Variants in TTC13 observed in about 807,000 individuals in gnomAD.
TTC13 encodes the protein tetratricopeptide repeat domain 13.
TTC13 carries 62 observed loss-of-function variants against 120.0 expected under a neutral mutation model. The observed-to-expected ratio is 0.52, with a 90% CI of 0.42 to 0.64. The LOEUF is 0.64. Ranked by LOEUF, TTC13 falls within the 30% of genes least tolerant of loss-of-function variation. The probability of loss-of-function intolerance (pLI) is 0.00; values close to 1 mark genes in which losing one functional copy is unlikely to be tolerated. For missense variants in TTC13, 824 were observed against 1,050.2 expected, an observed-to-expected ratio of 0.78 and a Z score of 2.98; for synonymous variants, 384 against 393.5, an observed-to-expected ratio of 0.98 and a Z score of 0.28.
intron 3 of TTC13, among the ~76,000 whole-genome samples, chr1:230,954,634 A>G (rs1675885836): frequency 6.6e-6 from 1 of 152,230 alleles, no homozygotes. Flanking sequence ...CATCTATAAA[A>G]TATCTGCCTA....
intron 4 of TTC13, among the ~76,000 whole-genome samples, chr1:230,946,414 T>C (rs1675003816): frequency 6.6e-6 from 1 of 152,112 alleles, no homozygotes; most frequent in Non-Finnish European, 1.5e-5. Context: ...ACTTCAATGA[T>C]GAGTAAATGG....
At chr1:230,970,031 C>T (rs1402036908) in intron 1 of TTC13, among the ~76,000 whole-genome samples, 1 of 152,196 alleles carries the variant, frequency 6.6e-6, no homozygotes, top group Non-Finnish European at 1.5e-5. Flanking sequence ...CCACTGTACA[C>T]ATGGGGAAAT....
intron 22 of TTC13, among the ~76,000 whole-genome samples, chr1:230,907,843 G>A (rs745510424): frequency 6.6e-6 from 1 of 152,160 alleles, no homozygotes; most frequent in Non-Finnish European, 1.5e-5. Flanking sequence ...TGAACAGTGA[G>A]GCTTACTTAT....
intron 22 of TTC13, among the ~76,000 whole-genome samples, chr1:230,908,031 A>C (rs1345074399): frequency 2.0e-5 from 3 of 152,248 alleles, no homozygotes; most frequent in Non-Finnish European, 4.4e-5. Flanking sequence ...AAGTAGGCTA[A>C]GTGCTACCAC....
chr1:230,956,469 C>A, intron 3 of TTC13: 1 of 300,356 alleles, frequency 3.3e-6, no homozygotes, highest in Non-Finnish European at 6.4e-6. Flanking sequence ...ACTGTCTGGT[C>A]TTGCTTAATA....
chr1:230,966,940 G>A (rs533957499), intron 1 of TTC13, among the ~76,000 whole-genome samples: 3 of 152,206 alleles, frequency 2.0e-5, no homozygotes, highest in African/African-American at 4.8e-5. Context: ...GGGGACCTGA[G>A]GGAAATTATG....
In TTC13 at chr1:230,906,802, C is replaced by G; in HGVS notation, c.*103G>C. 2.2e-6 allele frequency: 1 copy of G among 457,232 alleles called. No homozygotes were observed. Among genetic ancestry groups the G allele is most frequent in the Non-Finnish European group, 3.9e-6 (1 of 259,020 alleles). The allele number at this position is 457,232 out of a possible 1,614,324, so 28.3% of individuals were successfully genotyped here. Reference sequence around the variant, plus strand: ...ATTCAATTCCTATAAAAATTGGTATCAAAAGTAATAGAGGACCTAATTTCT... The same window carrying G: ...ATTCAATTCCTATAAAAATTGGTATGAAAAGTAATAGAGGACCTAATTTCT... On this transcript the variant is annotated 3_prime_UTR_variant, in exon 23 of 23. Coordinates refer to ENST00000366661, the MANE Select transcript of TTC13 (RefSeq NM_024525.5).
chr1:230,925,467 C>T, intron 13 of TTC13, 50 bp downstream of exon 13: 1 of 1,604,400 alleles, frequency 6.2e-7, no homozygotes, highest in Non-Finnish European at 8.5e-7. Flanking sequence ...CTTAACCACC[C>T]TTCCTCTTAT....
chr1:230,945,531 G>A (rs1241470973), intron 4 of TTC13, 77 bp from the exon 5 acceptor site: 10 of 1,316,692 alleles, frequency 7.6e-6, no homozygotes, highest in Admixed American at 1.7e-5. Flanking sequence ...CTTAAAGCAC[G>A]TTAATGCCGC....
In TTC13 at chr1:230,978,041, G is replaced by A. The variant is rs1205054666; in HGVS notation, c.271+519C>T. 6.6e-6 allele frequency among the ~76,000 whole-genome samples: 1 copy of A among 152,152 alleles called. No individual in the cohort carries two copies. The highest frequency in any genetic ancestry group is 2.4e-5 in the African/African-American group (1 of 41,440). On this transcript the variant is annotated intron_variant, in intron 1 of 22. Coordinates refer to ENST00000366661, the MANE Select transcript of TTC13 (RefSeq NM_024525.5). This position sits in a 1 kb window ranked among gnomAD's most constrained non-coding sequence, Gnocchi z 5.6. Reference sequence around the variant, plus strand: ...GGCTTGCTCTTTTTTTCCATTCCAGGGATCCAATTTTTAGGAACTGTTGTA... The same window carrying A: ...GGCTTGCTCTTTTTTTCCATTCCAGAGATCCAATTTTTAGGAACTGTTGTA...
chr1:230,946,172 C>T (rs1558200492), intron 4 of TTC13, among the ~76,000 whole-genome samples: 1 of 152,148 alleles, frequency 6.6e-6, no homozygotes, highest in African/African-American at 2.4e-5. Flanking sequence ...TACATTTAGC[C>T]TCTACAATTT....
At chr1:230,969,410 T>G (rs1677494551) in intron 1 of TTC13, among the ~76,000 whole-genome samples, 1 of 152,230 alleles carries the variant, frequency 6.6e-6, no homozygotes, top group Admixed American at 6.5e-5. Flanking sequence ...TATCCATTTC[T>G]TTGAAAGGTT....
intron 18 of TTC13, 120 bp from the exon 19 acceptor site, chr1:230,912,878 T>A: frequency 1.2e-6 from 1 of 852,808 alleles, no homozygotes; most frequent in Non-Finnish European, 1.8e-6. Flanking sequence ...TACAAGAATG[T>A]ACCTTACCTT....
intron 2 of TTC13, among the ~76,000 whole-genome samples, chr1:230,959,179 C>T (rs1007531633): frequency 6.6e-6 from 1 of 152,066 alleles, no homozygotes; most frequent in East Asian, 1.9e-4. Flanking sequence ...GTAAATATTG[C>T]TTTATTTCAT....
chr1:230,934,767 C>A (rs1396487951), intron 8 of TTC13, among the ~76,000 whole-genome samples: 2 of 152,188 alleles, frequency 1.3e-5, no homozygotes, highest in South Asian at 2.1e-4. Context: ...GATCTCTAAT[C>A]GCTTTAATGC....
intron 1 of TTC13, among the ~76,000 whole-genome samples, chr1:230,975,253 G>C (rs944723646): frequency 1.3e-5 from 2 of 151,312 alleles, no homozygotes; most frequent in Non-Finnish European, 2.9e-5. Flanking sequence ...ACACGTCTGT[G>C]GTCCTAGCTA....
At chr1:230,925,744 T>G (rs1034750697) in intron 12 of TTC13, 97 bp from the exon 13 acceptor site, 2 of 1,385,468 alleles carry the variant, frequency 1.4e-6, no homozygotes, top group Non-Finnish European at 2.0e-6. Context: ...ACGGGAAAAC[T>G]AATGAAGCAG....
At chr1:230,931,640 C>T in intron 10 of TTC13, 96 bp downstream of exon 10, 1 of 1,502,726 alleles carries the variant, frequency 6.7e-7, no homozygotes, top group Non-Finnish European at 9.1e-7. Context: ...AGTAGAAACA[C>T]TATTCTCAGT....
intron 1 of TTC13, among the ~76,000 whole-genome samples, chr1:230,968,849 T>G (rs1479120678): frequency 4.6e-5 from 7 of 152,202 alleles, no homozygotes; most frequent in African/African-American, 1.7e-4. Flanking sequence ...GTCAAGTGAT[T>G]ACGCTGGAAG....
Sources: allele counts gnomAD v4.1 joint callset (sites outside exome capture counted in the v4.1 genomes callset), GRCh38; gene constraint gnomAD v4.1.1; non-coding constraint Gnocchi (gnomAD v3.1); transcripts MANE v1.5; gene names NCBI Gene and HGNC (gene_info 2026-07-23, HGNC 2026-07-21).